Variants in SH3RF2 observed in about 807,000 individuals in gnomAD.
SH3RF2 encodes E3 ubiquitin-protein ligase SH3RF2.
Under a neutral mutation model 59.0 loss-of-function variants are expected in SH3RF2, and 43 were observed. The ratio of observed to expected loss-of-function variants is 0.73; its 90% CI spans 0.57 to 0.94. SH3RF2 has a LOEUF of 0.94. Among genes scored for constraint, SH3RF2 ranks in the 40% least tolerant of loss-of-function variants. SH3RF2 has a pLI of 0.00. For synonymous variants in SH3RF2, 391 were observed against 391.5 expected (o/e 1.00, Z 0.01); for missense variants, 930 against 940.1 (o/e 0.99, Z 0.14).
intron 2 of SH3RF2, among the ~76,000 whole-genome samples, chr5:145,940,428 C>A (rs997903349): frequency 6.6e-6 from 1 of 152,158 alleles, no homozygotes; most frequent in African/African-American, 2.4e-5. Context: ...TATTACCTAT[C>A]TTTTTTGCAA....
At chr5:146,028,767 C>A (rs532837254) in intron 5 of SH3RF2, among the ~76,000 whole-genome samples, 1 of 152,278 alleles carries the variant, frequency 6.6e-6, no homozygotes, top group South Asian at 2.1e-4. Flanking sequence ...GAAAAAGATG[C>A]CCTTTCTGAA....
intron 7 of SH3RF2, among the ~76,000 whole-genome samples, chr5:146,055,493 A>C (rs1323203115): frequency 6.6e-6 from 1 of 152,274 alleles, no homozygotes; most frequent in Non-Finnish European, 1.5e-5. Context: ...GCAGACATTT[A>C]ACAAATGTTT....
intron 2 of SH3RF2, among the ~76,000 whole-genome samples, chr5:145,959,969 T>C (rs1050261517): frequency 1.1e-4 from 16 of 152,166 alleles, no homozygotes; most frequent in South Asian, 2.1e-4. Flanking sequence ...AAAACCTAGA[T>C]CCCTGGCTGA....
intron 2 of SH3RF2, among the ~76,000 whole-genome samples, chr5:145,955,663 T>C (rs1431502374): frequency 6.6e-6 from 1 of 152,102 alleles, no homozygotes; most frequent in Non-Finnish European, 1.5e-5. Context: ...ATTTTCCCAC[T>C]CTCCCTGTCT....
intron 4 of SH3RF2, among the ~76,000 whole-genome samples, chr5:146,007,414 G>T (rs1303806097): frequency 1.3e-5 from 2 of 152,176 alleles, no homozygotes; most frequent in Non-Finnish European, 2.9e-5. Flanking sequence ...ATAGACATAG[G>T]TCAGTGGCAG....
chr5:145,952,932 A>G (rs903511379), intron 2 of SH3RF2, among the ~76,000 whole-genome samples: 11 of 152,194 alleles, frequency 7.2e-5, no homozygotes, highest in Non-Finnish European at 1.5e-4. Flanking sequence ...GATCTGGGTT[A>G]TTTATACCCT....
intron 9 of SH3RF2, among the ~76,000 whole-genome samples, chr5:146,077,006 G>A (rs1027643794): frequency 2.6e-5 from 4 of 152,332 alleles, no homozygotes; most frequent in African/African-American, 9.6e-5. Flanking sequence ...TCAGGGTCTA[G>A]ATGAAAGAAA....
chr5:146,004,016 G>T, intron 3 of SH3RF2, 42 bp from the exon 4 acceptor site: 2 of 1,568,744 alleles, frequency 1.3e-6, no homozygotes, highest in South Asian at 1.1e-5. Flanking sequence ...TTTACTGCCT[G>T]AAAATGAGAG....
chr5:146,041,156 TCA>T (rs1762111696), intron 5 of SH3RF2, among the ~76,000 whole-genome samples: 1 of 152,166 alleles, frequency 6.6e-6, no homozygotes, highest in Non-Finnish European at 1.5e-5. Context: ...TCTTTTTATC[TCA>T]GTTTCTCCAT....
chr5:146,001,214 T>A (rs1760394751), intron 3 of SH3RF2, among the ~76,000 whole-genome samples: 2 of 152,248 alleles, frequency 1.3e-5, no homozygotes, highest in African/African-American at 4.8e-5. Context: ...TATTCAGTAT[T>A]TGTTATTCCA....
At chr5:146,023,385 T>C (rs542191155) in intron 5 of SH3RF2, among the ~76,000 whole-genome samples, 16 of 152,214 alleles carry the variant, frequency 1.1e-4, no homozygotes, top group African/African-American at 3.6e-4. Flanking sequence ...ATTTTTGTAT[T>C]GTTAGTAGAA....
Position 146,075,418 on chromosome 5 carries a change from G to A in SH3RF2, c.*34-3042G>A, listed in dbSNP as rs190083733. Among the ~76,000 whole-genome samples, 294 of 152,228 alleles carry A rather than the reference G, an allele frequency of 1.9e-3. 1 individual carries two copies. Among genetic ancestry groups the A allele is most frequent in the African/African-American group, 2.7e-3 (114 of 41,536 alleles). ...CTAAGGCCTAGAGAGATTAAAAAAC[G>A]TCCATGGGGTCACAAGGCTAGGAAC... On this transcript the variant is annotated intron_variant, in intron 9 of 9. Transcript: ENST00000511217.
At chr5:146,035,365 CT>C (rs1761896260) in intron 5 of SH3RF2, among the ~76,000 whole-genome samples, 2 of 150,170 alleles carry the variant, frequency 1.3e-5, no homozygotes, top group Non-Finnish European at 3.0e-5. Flanking sequence ...TTTTTTTTAA[CT>C]TTTTTTCATT....
At chr5:145,991,784 T>C (rs1759942509) in intron 2 of SH3RF2, among the ~76,000 whole-genome samples, 1 of 152,212 alleles carries the variant, frequency 6.6e-6, no homozygotes, top group South Asian at 2.1e-4. Context: ...CATTAAAATA[T>C]GTAAGCTACT....
intron 2 of SH3RF2, among the ~76,000 whole-genome samples, chr5:145,967,320 T>C (rs1017523970): frequency 6.6e-6 from 1 of 152,146 alleles, no homozygotes; most frequent in Non-Finnish European, 1.5e-5. Flanking sequence ...AGTCAGTCTC[T>C]GACTATTGGC....
rs1760206462 is a variant in SH3RF2 at position 145,997,338 on chromosome 5, G to T, written c.379-2720G>T. On this transcript the variant is annotated intron_variant, in intron 2 of 9. Transcript: ENST00000359120. ...ACCAGAGCAGCTCCCCGTATATACTGCACCACCGCTCCAGTCTAAATATGT... is the reference window on the plus strand; with the variant it reads ...ACCAGAGCAGCTCCCCGTATATACTTCACCACCGCTCCAGTCTAAATATGT... The T allele has an allele frequency of 1.7e-5, 19 of 1,147,482 alleles. No homozygotes were observed. The South Asian group carries it at 2.1e-4, about 13-fold the overall frequency. 71.1% of individuals were successfully genotyped at this position (1,147,482 alleles called of 1,614,324 possible).
intron 5 of SH3RF2, among the ~76,000 whole-genome samples, chr5:146,033,451 CTT>C (rs558717056): frequency 2.5e-4 from 18 of 71,856 alleles, no homozygotes; most frequent in African/African-American, 1.7e-3. Context: ...TAGCCCTTAG[CTT>C]TTTTTTTTTT....
downstream of SH3RF2, among the ~76,000 whole-genome samples, chr5:146,063,937 T>C (rs1554121706): frequency 6.6e-6 from 1 of 152,142 alleles, no homozygotes; most frequent in Non-Finnish European, 1.5e-5. Context: ...GGATCTATAT[T>C]TGGATATATA....
chr5:146,046,703 C>T (rs1762316302), intron 5 of SH3RF2, among the ~76,000 whole-genome samples: 1 of 151,912 alleles, frequency 6.6e-6, no homozygotes. Context: ...GATATGTGCT[C>T]AGAAGGAAAT....
Sources: allele counts gnomAD v4.1 joint callset (sites outside exome capture counted in the v4.1 genomes callset), GRCh38; gene constraint gnomAD v4.1.1; transcripts MANE v1.5; gene names NCBI Gene and HGNC (gene_info 2026-07-23, HGNC 2026-07-21).